Variants in KIAA1217 observed in about 807,000 individuals in gnomAD.
KIAA1217 encodes the protein sickle tail protein homolog.
A neutral mutation model predicts 163.9 loss-of-function variants in KIAA1217; 88 were observed. The ratio of observed to expected loss-of-function variants is 0.54; its 90% CI spans 0.45 to 0.64. KIAA1217 has a LOEUF of 0.64. KIAA1217 is among the 30% of genes least tolerant of loss of function. The probability of loss-of-function intolerance (pLI) is 0.00; values close to 1 mark genes in which losing one functional copy is unlikely to be tolerated. For synonymous variants in KIAA1217, 903 were observed against 923.1 expected (o/e 0.98, Z 0.39); for missense variants, 2,372 against 2,475.0 (o/e 0.96, Z 0.88).
chr10:24,336,329 C>G (rs1055905297), intron 2 of KIAA1217, among the ~76,000 whole-genome samples: 1 of 152,196 alleles, frequency 6.6e-6, no homozygotes, highest in East Asian at 1.9e-4. Flanking sequence ...ACAAAGAACA[C>G]GTATGGTAGA....
At chr10:24,179,344 T>C (rs2066060533) in intron 2 of KIAA1217, among the ~76,000 whole-genome samples, 1 of 151,998 alleles carries the variant, frequency 6.6e-6, no homozygotes, top group Non-Finnish European at 1.5e-5. Context: ...TTTAGCACCA[T>C]CCCCCCAGTC....
chr10:24,383,763 G>A (rs1209373688), intron 3 of KIAA1217, among the ~76,000 whole-genome samples: 1 of 152,218 alleles, frequency 6.6e-6, no homozygotes, highest in Non-Finnish European at 1.5e-5. Flanking sequence ...CTGGCACTGG[G>A]CCAGCTGGGT....
intron 1 of KIAA1217, among the ~76,000 whole-genome samples, chr10:23,743,423 T>C (rs560840946): frequency 6.6e-6 from 1 of 152,284 alleles, no homozygotes; most frequent in East Asian, 1.9e-4. Flanking sequence ...GGCATTTAAA[T>C]GGATTTCACA....
chr10:23,856,856 C>T (rs1254636540), intron 1 of KIAA1217, among the ~76,000 whole-genome samples: 1 of 152,206 alleles, frequency 6.6e-6, no homozygotes, highest in African/African-American at 2.4e-5. Flanking sequence ...TTTTTAAGCC[C>T]ATCGGAAAAG....
At chr10:23,851,227 T>C (rs1839299110) in intron 1 of KIAA1217, among the ~76,000 whole-genome samples, 1 of 152,124 alleles carries the variant, frequency 6.6e-6, no homozygotes, top group Non-Finnish European at 1.5e-5. Flanking sequence ...TGTGTTCTCA[T>C]TGTTCAATTC....
intron 2 of KIAA1217, among the ~76,000 whole-genome samples, chr10:24,277,973 G>A (rs2077492537): frequency 6.6e-6 from 1 of 152,200 alleles, no homozygotes; most frequent in South Asian, 2.1e-4. Flanking sequence ...TGATGCTTTT[G>A]GACAGCAGCT....
chr10:23,941,021 T>C (rs1564551030), intron 1 of KIAA1217, among the ~76,000 whole-genome samples: 1 of 152,208 alleles, frequency 6.6e-6, no homozygotes, highest in Non-Finnish European at 1.5e-5. Flanking sequence ...AGCAGCTCTG[T>C]CTGCAGGCGC....
intron 1 of KIAA1217, among the ~76,000 whole-genome samples, chr10:23,776,339 AATAT>A (rs5783863): frequency 1.8e-4 from 20 of 114,146 alleles, no homozygotes; most frequent in African/African-American, 3.6e-4. Context: ...AGCTATTGGA[AATAT>A]ATATATATAT....
intron 1 of KIAA1217, among the ~76,000 whole-genome samples, chr10:23,807,103 A>G (rs1017024262): frequency 6.6e-6 from 1 of 152,254 alleles, no homozygotes; most frequent in Non-Finnish European, 1.5e-5. Flanking sequence ...AATGAACTTC[A>G]GGATACTGTC....
intron 1 of KIAA1217, among the ~76,000 whole-genome samples, chr10:23,979,791 T>C (rs1190468517): frequency 6.6e-6 from 1 of 152,160 alleles, no homozygotes; most frequent in Non-Finnish European, 1.5e-5. Context: ...TGAATTCACC[T>C]ATTTGTAGAT....
intron 2 of KIAA1217, among the ~76,000 whole-genome samples, chr10:24,183,465 A>G (rs2131956804): frequency 6.6e-6 from 1 of 152,340 alleles, no homozygotes; most frequent in Non-Finnish European, 1.5e-5. Flanking sequence ...GAATAATGAA[A>G]AAAAGACAGT....
chr10:24,497,602 C>A (rs776125118), intron 8 of KIAA1217, among the ~76,000 whole-genome samples: 23 of 151,886 alleles, frequency 1.5e-4, no homozygotes, highest in Admixed American at 3.9e-4. Context: ...TGTTTGTAGT[C>A]CCACATACTT....
rs115579150 is a variant in KIAA1217, at chr10:23,875,466, C to T, written c.-320-131759C>T. Among the ~76,000 whole-genome samples the T allele has an allele frequency of 3.3e-3, 495 of 151,962 alleles. 2 individuals are homozygous for T. The highest frequency in any genetic ancestry group is 0.012 in the African/African-American group (482 of 41,488). ...ATTTTAACCACTGTTTCAACTTGTT[C>T]TAAAAAGTTTTCCCCATGAAAATGC... On this transcript the variant is annotated intron_variant, in intron 1 of 18. Transcript: ENST00000376462.
chr10:23,708,672 G>A (rs977253051), intron 1 of KIAA1217, among the ~76,000 whole-genome samples: 3 of 152,200 alleles, frequency 2.0e-5, no homozygotes, highest in Non-Finnish European at 4.4e-5. Flanking sequence ...AGAAGATGGT[G>A]AGAAATGCAG....
intron 1 of KIAA1217, among the ~76,000 whole-genome samples, chr10:23,918,371 A>G (rs1331937578): frequency 6.6e-6 from 1 of 152,150 alleles, no homozygotes; most frequent in Non-Finnish European, 1.5e-5. Flanking sequence ...CTCCATGTGA[A>G]AAATAAACTT....
Position 24,533,092 on chromosome 10 carries a change from C to A in KIAA1217, c.3269C>A (p.Pro1090Gln), listed in dbSNP as rs749056046. ...CAGGCAAGCAGTGAAGATGCTGGAC[C>A]AAGCCCACAGACCAGAGCTACAAAA... The part of the protein sequence containing the change: ...TAKASSEDAG[P>Q]SPQTRATKYP... The change falls in exon 16 of 21, where the codon CCA (proline) becomes CAA (glutamine). Residue 1090 changes from proline (P) to glutamine (Q), a missense_variant. Pro to Gln is a moderately conservative substitution (Grantham distance 76). This residue lies in a region of KIAA1217 where 1,431 missense variants were observed against 1,470.3 expected (regional missense o/e 0.97). Coordinates refer to ENST00000376454, the MANE Select transcript of KIAA1217 (RefSeq NM_019590.5). 4 of 1,612,098 alleles carry A rather than the reference C, an allele frequency of 2.5e-6. No individual in the cohort carries two copies. Among genetic ancestry groups the A allele is most frequent in the Middle Eastern group, 3.4e-4 (2 of 5,932 alleles).
intron 1 of KIAA1217, among the ~76,000 whole-genome samples, chr10:23,932,711 G>A (rs1843308081): frequency 6.6e-6 from 1 of 152,118 alleles, no homozygotes; most frequent in Non-Finnish European, 1.5e-5. Flanking sequence ...GAGTTCTGAA[G>A]TCCTGAGATG....
chr10:23,789,726 A>G (rs897508525), intron 1 of KIAA1217, among the ~76,000 whole-genome samples: 1 of 151,986 alleles, frequency 6.6e-6, no homozygotes, highest in Non-Finnish European at 1.5e-5. Flanking sequence ...TGAGTTCATC[A>G]CTGAGAAATG....
intron 1 of KIAA1217, among the ~76,000 whole-genome samples, chr10:23,731,973 C>T (rs868210778): frequency 7.2e-5 from 11 of 152,058 alleles, no homozygotes; most frequent in African/African-American, 1.9e-4. Context: ...TGGTGTATAA[C>T]TCTTGTTATA....
Sources: gnomAD v4.1 joint callset for allele counts (sites outside exome capture counted in the v4.1 genomes callset) on GRCh38, gnomAD v4.1.1 for gene constraint, gnomAD v4.1.1 regional missense constraint, MANE v1.5 for transcripts, NCBI Gene and HGNC (gene_info 2026-07-23, HGNC 2026-07-21) for gene names.